BMPR1B: variants seen among roughly 807,000 people sequenced by gnomAD.
BMPR1B encodes the protein bone morphogenetic protein receptor type-1B.
BMPR1B carries 12 observed loss-of-function variants against 59.1 expected under a neutral mutation model. That is an observed-to-expected ratio of 0.20 (90% CI 0.13 to 0.33). BMPR1B has a LOEUF of 0.33. Among genes scored for constraint, BMPR1B ranks in the 10% least tolerant of loss-of-function variants. The pLI is 1.00. For synonymous variants in BMPR1B, 237 were observed against 207.3 expected (o/e 1.14, Z -1.23); for missense variants, 550 against 610.9 (o/e 0.90, Z 1.05).
chr4:94,834,965 A>C (rs1003935198), intron 1 of BMPR1B, among the ~76,000 whole-genome samples: 2 of 150,352 alleles, frequency 1.3e-5, no homozygotes, highest in African/African-American at 4.9e-5. Context: ...TTAAATTTTG[A>C]AAATATCCTT....
intron 1 of BMPR1B, among the ~76,000 whole-genome samples, chr4:94,804,557 T>C (rs112362697): frequency 6.6e-5 from 10 of 151,602 alleles, no homozygotes; most frequent in African/African-American, 2.4e-4. Context: ...GACAGATATT[T>C]GAATAACTTT....
At chr4:95,019,606 A>G (rs1334108908) in intron 3 of BMPR1B, among the ~76,000 whole-genome samples, 1 of 152,172 alleles carries the variant, frequency 6.6e-6, no homozygotes, top group East Asian at 1.9e-4. Flanking sequence ...CATGCAAGGC[A>G]TTATTTATTT....
intron 3 of BMPR1B, among the ~76,000 whole-genome samples, chr4:95,050,284 C>A (rs1235458842): frequency 2.6e-5 from 4 of 152,128 alleles, no homozygotes; most frequent in Non-Finnish European, 4.4e-5. Flanking sequence ...TACCACCAAC[C>A]TCCATGTTTC....
chr4:94,843,492 G>C (rs1725181148), intron 1 of BMPR1B, among the ~76,000 whole-genome samples: 1 of 152,032 alleles, frequency 6.6e-6, no homozygotes, highest in South Asian at 2.1e-4. Context: ...CAGATGAATG[G>C]TAATGGTTCC....
intron 1 of BMPR1B, among the ~76,000 whole-genome samples, chr4:94,797,322 A>G (rs1723234803): frequency 6.6e-6 from 1 of 152,204 alleles, no homozygotes; most frequent in South Asian, 2.1e-4. Context: ...ACAGAGCCAA[A>G]CCATATCAAT....
chr4:94,881,423 A>G (rs1578756151), intron 2 of BMPR1B, among the ~76,000 whole-genome samples: 1 of 152,136 alleles, frequency 6.6e-6, no homozygotes, highest in East Asian at 1.9e-4. Context: ...AGAATTTGGC[A>G]ACGAGAGGAG....
intron 1 of BMPR1B, among the ~76,000 whole-genome samples, chr4:94,765,958 C>A (rs73835757): frequency 6.6e-6 from 1 of 152,016 alleles, no homozygotes; most frequent in African/African-American, 2.4e-5. Context: ...CCTGCACCTT[C>A]TGTGTTTTTG....
In BMPR1B at chr4:95,148,855, A is replaced by C. The variant is rs1350190350; in HGVS notation, c.1184A>C (p.Tyr395Ser). ...TTGAACAGAAATCACTTCCAGTCTT[A>C]CATCATGGCTGACATGTATAGTTTT... ...ESLNRNHFQSYIMADMYSFGL... is the reference protein window; with the variant it reads ...ESLNRNHFQSSIMADMYSFGL... Residue 395 changes from tyrosine to serine, a missense_variant, in exon 11 of 13, where the codon TAC becomes TCC. By Grantham distance (144) the Tyr-to-Ser change is moderately radical (BLOSUM62 -2). Around this residue, in one of 6 missense-constraint regions of BMPR1B, gnomAD observed 123 missense variants for 164.6 expected, o/e 0.75. Coordinates refer to ENST00000515059, the MANE Select transcript of BMPR1B (RefSeq NM_001203.3). 6.2e-7 allele frequency: 1 copy of C among 1,613,984 alleles called. No individual in the cohort carries two copies. Among genetic ancestry groups the C allele is most frequent in the African/African-American group, 1.3e-5 (1 of 74,928 alleles).
chr4:95,123,682 T>TTA, intron 6 of BMPR1B, 128 bp from the exon 7 acceptor site: 3 of 726,072 alleles, frequency 4.1e-6, no homozygotes, highest in Non-Finnish European at 6.9e-6. Flanking sequence ...AAAAATTAAT[T>TTA]GGTATGTGAA....
At chr4:95,143,914 C>T (rs904983347) in intron 10 of BMPR1B, among the ~76,000 whole-genome samples, 8 of 152,038 alleles carry the variant, frequency 5.3e-5, no homozygotes, top group East Asian at 1.9e-4. Context: ...TTCCAAAATA[C>T]GAACAGCTCA....
At chr4:95,045,605 AT>A (rs1011051572) in intron 3 of BMPR1B, among the ~76,000 whole-genome samples, 2 of 152,130 alleles carry the variant, frequency 1.3e-5, no homozygotes, top group Non-Finnish European at 2.9e-5. Flanking sequence ...ATTCCTACTT[AT>A]CTTTGAAGAC....
At chr4:95,056,368 C>A (rs975879383) in intron 3 of BMPR1B, among the ~76,000 whole-genome samples, 14 of 152,132 alleles carry the variant, frequency 9.2e-5, no homozygotes, top group Non-Finnish European at 1.8e-4. Context: ...TAACTGATTA[C>A]TCTGCTTGAT....
intron 9 of BMPR1B, 82 bp from the exon 10 acceptor site, chr4:95,131,133 A>G: frequency 1.4e-6 from 2 of 1,404,692 alleles, no homozygotes; most frequent in Non-Finnish European, 2.0e-6. Context: ...ATTATCTATG[A>G]CAAAGAATGA....
chr4:94,949,341 G>A (rs1490503856), intron 2 of BMPR1B, among the ~76,000 whole-genome samples: 3 of 41,672 alleles, frequency 7.2e-5, no homozygotes, highest in East Asian at 6.0e-4. Context: ...ACGGAGTCTC[G>A]CTCTGTCGCC....
intron 10 of BMPR1B, among the ~76,000 whole-genome samples, chr4:95,140,696 G>T (rs1477548962): frequency 6.6e-6 from 1 of 152,036 alleles, no homozygotes; most frequent in East Asian, 1.9e-4. Flanking sequence ...CTGAGAGCAG[G>T]ATACATGCCA....
At chr4:94,900,842 C>T (rs1727783459) in intron 2 of BMPR1B, among the ~76,000 whole-genome samples, 1 of 152,020 alleles carries the variant, frequency 6.6e-6, no homozygotes. Context: ...ACCCATATCT[C>T]TGGAATCTTT....
chr4:95,057,859 T>C (rs374444070), intron 3 of BMPR1B, among the ~76,000 whole-genome samples: 5 of 152,180 alleles, frequency 3.3e-5, no homozygotes, highest in South Asian at 4.1e-4. Flanking sequence ...AAAAACACTT[T>C]AATATTTCTC....
At chr4:95,020,645 C>G (rs1169010753) in intron 3 of BMPR1B, among the ~76,000 whole-genome samples, 1 of 150,950 alleles carries the variant, frequency 6.6e-6, no homozygotes, top group Non-Finnish European at 1.5e-5. Flanking sequence ...GATTGAGAAA[C>G]TTGCCCTACG....
At chr4:94,797,244 T>A (rs1723230613) in intron 1 of BMPR1B, among the ~76,000 whole-genome samples, 1 of 152,164 alleles carries the variant, frequency 6.6e-6, no homozygotes, top group Non-Finnish European at 1.5e-5. Context: ...CAATTACCTC[T>A]CCCTGGGTCC....
Sources: gnomAD v4.1 joint callset for allele counts (sites outside exome capture counted in the v4.1 genomes callset) on GRCh38, gnomAD v4.1.1 for gene constraint, gnomAD v4.1.1 regional missense constraint, MANE v1.5 for transcripts, NCBI Gene and HGNC (gene_info 2026-07-23, HGNC 2026-07-21) for gene names.